GAPDHS: variants seen among roughly 807,000 people sequenced by gnomAD.
GAPDHS encodes the protein glyceraldehyde-3-phosphate dehydrogenase, testis-specific.
Under a neutral mutation model 48.7 loss-of-function variants are expected in GAPDHS, and 42 were observed. The ratio of observed to expected loss-of-function variants is 0.86; its 90% CI spans 0.67 to 1.12. The LOEUF (loss-of-function observed/expected upper bound fraction) is 1.12. GAPDHS is among the 50% of genes most tolerant of loss of function. GAPDHS has a pLI of 0.00. For synonymous variants in GAPDHS, 166 were observed against 219.1 expected, an observed-to-expected ratio of 0.76 and a Z score of 2.14; for missense variants, 512 against 557.7, an observed-to-expected ratio of 0.92 and a Z score of 0.82.
intron 1 of GAPDHS, among the ~76,000 whole-genome samples, chr19:35,535,438 T>C (rs2068235939): frequency 1.3e-5 from 2 of 151,996 alleles, no homozygotes; most frequent in South Asian, 4.1e-4. Flanking sequence ...CAGGCTGGAG[T>C]GCAGTGGCAC....
chr19:35,537,733 A>C (rs769183943), intron 2 of GAPDHS, among the ~76,000 whole-genome samples: 3 of 152,106 alleles, frequency 2.0e-5, no homozygotes, highest in Non-Finnish European at 4.4e-5. Context: ...AAATTGTTTT[A>C]ATTGTTTAAT....
At position 35,543,770 on chromosome 19, in the gene GAPDHS, T is replaced by C; in HGVS notation, c.999T>C (p.Ala333=). Residue 333 remains alanine (A), a synonymous_variant, in exon 9 of 11, where the codon GCT becomes GCC. Coordinates refer to ENST00000222286, the MANE Select transcript of GAPDHS (RefSeq NM_014364.5). ...QPAPYSAIKE[A]VKAAAKGPMA... is the part of the protein sequence containing the mutation. The stretch of plus-strand genomic sequence containing the variant: ...CCCCCTACTCAGCCATCAAGGAGGC[T>C]GTAAAAGCAGCAGCCAAGGGGCCCA... 1 of 1,613,854 alleles carries C rather than the reference T, an allele frequency of 6.2e-7. No individual in the cohort carries two copies. The highest frequency in any genetic ancestry group is 8.5e-7 in the Non-Finnish European group (1 of 1,179,980).
At chr19:35,535,050 C>T (rs796227543) in intron 1 of GAPDHS, among the ~76,000 whole-genome samples, 3 of 152,234 alleles carry the variant, frequency 2.0e-5, no homozygotes, top group African/African-American at 7.2e-5. Context: ...CTCACAGCAG[C>T]CCCTAGGTGG....
At chr19:35,533,774 C>T (rs2071447274) in intron 1 of GAPDHS, among the ~76,000 whole-genome samples, 180 bp downstream of exon 1, 1 of 152,234 alleles carries the variant, frequency 6.6e-6, no homozygotes, top group Non-Finnish European at 1.5e-5. Flanking sequence ...GTGGGGTTTA[C>T]TGCCATGGCG....
chr19:35,545,104 CA>C lies in GAPDHS; in HGVS notation c.1163del (p.Asn388ThrfsTer?). 2 of 1,614,042 alleles carry C rather than the reference CA, an allele frequency of 1.2e-6. No homozygotes were observed. The highest frequency in any genetic ancestry group is 1.7e-6 in the Non-Finnish European group (2 of 1,179,874). On this transcript the variant is annotated frameshift_variant, in exon 11 of 11. Coordinates refer to ENST00000222286, the MANE Select transcript of GAPDHS (RefSeq NM_014364.5). LOFTEE classifies it high-confidence loss of function. The part of the protein sequence containing the change: ...NFVKLISWYD[N>X]EYGYSHRVVD... Reference sequence around the variant, plus strand: ...CCCGACCCCTCCTCCACAGGTACGACAACGAATATGGCTACAGTCACCGGGT... The same window carrying C: ...CCCGACCCCTCCTCCACAGGTACGACACGAATATGGCTACAGTCACCGGGT...
chr19:35,542,614 G>A lies in GAPDHS; in HGVS notation c.659+6G>A. On this transcript the variant is annotated splice_donor_region_variant and intron_variant, in intron 6 of 10. Transcript: ENST00000222286. ...GGCTCCATGAACATTGTGAGGTAAT[G>A]TGGGCAGTGACATCCTGCAATGTGT... The A allele has an allele frequency of 1.2e-5, 19 of 1,567,252 alleles. No individual in the cohort carries two copies. Among genetic ancestry groups the A allele is most frequent in the Non-Finnish European group, 1.7e-5 (19 of 1,137,404 alleles).
intron 1 of GAPDHS, among the ~76,000 whole-genome samples, chr19:35,534,295 C>G (rs1291660954): frequency 6.6e-6 from 1 of 152,038 alleles, no homozygotes; most frequent in Non-Finnish European, 1.5e-5. Context: ...TTCCCAAGGG[C>G]GGGGGCCGCA....
intron 2 of GAPDHS, 23 bp downstream of exon 2, chr19:35,537,013 T>C: frequency 6.2e-7 from 1 of 1,603,008 alleles, no homozygotes; most frequent in Non-Finnish European, 8.5e-7. Context: ...CAGCCCCTGA[T>C]CAGTCTGAAG....
At chr19:35,533,698 G>A in intron 1 of GAPDHS, 104 bp downstream of exon 1, 1 of 843,940 alleles carries the variant, frequency 1.2e-6, no homozygotes, top group Non-Finnish European at 1.9e-6. Flanking sequence ...CCTGGCGTGT[G>A]CACCATCTAG....
chr19:35,545,031 TA>T (rs1568309918), intron 10 of GAPDHS, 25 bp downstream of exon 10: 1 of 1,606,280 alleles, frequency 6.2e-7, no homozygotes, highest in Non-Finnish European at 8.5e-7. Flanking sequence ...GCTGGAGACT[TA>T]GAGGGAGGGG....
chr19:35,533,514 C>G lies in GAPDHS; in HGVS notation c.-14C>G, dbSNP rs751690102. The stretch of plus-strand genomic sequence containing the variant: ...CACAGCAGGTCCAGGCCAATGATAA[C>G]CTTATAAGAGGCCATGTCGAAGCGC... On this transcript the variant is annotated 5_prime_UTR_variant, in exon 1 of 11. Transcript: ENST00000222286. 5.0e-6 allele frequency: 8 copies of G among 1,612,424 alleles called. No individual in the cohort carries two copies. In the South Asian group the frequency reaches 7.7e-5, roughly 15 times the overall value.
chr19:35,539,992 C>T (rs1568682669), intron 4 of GAPDHS, among the ~76,000 whole-genome samples: 2 of 152,352 alleles, frequency 1.3e-5, no homozygotes, highest in Non-Finnish European at 2.9e-5. Flanking sequence ...TCTCCATCCC[C>T]GCACTGTTGG....
chr19:35,543,377 T>C lies in GAPDHS; in HGVS notation c.779T>C (p.Val260Ala), dbSNP rs1471743465. 1 of 1,612,378 alleles carries C rather than the reference T, an allele frequency of 6.2e-7. No individual in the cohort carries two copies. The highest frequency in any genetic ancestry group is 1.1e-5 in the South Asian group (1 of 90,794). ...VHSYTATQKT[V>A]DGPSRKAWRD... Reference sequence around the variant, plus strand: ...TCCTACACGGCCACCCAGAAGACAGTGGACGGGCCATCAAGGAAGGCCTGG... The same window carrying C: ...TCCTACACGGCCACCCAGAAGACAGCGGACGGGCCATCAAGGAAGGCCTGG... The change falls in exon 8 of 11, where the codon GTG becomes GCG. Residue 260 changes from valine to alanine, a missense_variant. By Grantham distance (64) the Val-to-Ala change is moderately conservative. Transcript: ENST00000222286.
chr19:35,543,739 A>G lies in GAPDHS; in HGVS notation c.968A>G (p.Gln323Arg). ...GTGGACCTGACCTGCCGCCTCGCCC[A>G]GCCTGCCCCCTACTCAGCCATCAAG... Reference protein sequence around the residue: ...SVVDLTCRLAQPAPYSAIKEA... With the variant: ...SVVDLTCRLARPAPYSAIKEA... The change falls in exon 9 of 11, where the codon CAG becomes CGG. Residue 323 changes from glutamine (Q) to arginine (R), a missense_variant. Coordinates refer to ENST00000222286, the MANE Select transcript of GAPDHS (RefSeq NM_014364.5). 1 of 1,614,034 alleles carries G rather than the reference A, an allele frequency of 6.2e-7. No homozygotes were observed. Among genetic ancestry groups the G allele is most frequent in the Non-Finnish European group, 8.5e-7 (1 of 1,180,012 alleles).
In GAPDHS at chr19:35,545,099, T is replaced by C. The variant is rs139696096; in HGVS notation, c.1156T>C (p.Tyr386His). 3.2e-3 allele frequency: 5,147 copies of C among 1,613,922 alleles called. 13 individuals carry two copies. Among genetic ancestry groups the C allele is most frequent in the Non-Finnish European group, 4.1e-3 (4,780 of 1,179,838 alleles). Residue 386 changes from tyrosine (Y) to histidine (H), a missense_variant and splice_region_variant, in exon 11 of 11, where the codon TAC becomes CAC. Transcript: ENST00000222286. ...NDNFVKLISW[Y>H]DNEYGYSHRV... ...AACCTCCCGACCCCTCCTCCACAGGTACGACAACGAATATGGCTACAGTCA... is the reference window on the plus strand; with the variant it reads ...AACCTCCCGACCCCTCCTCCACAGGCACGACAACGAATATGGCTACAGTCA...
rs1442608474 is a variant in GAPDHS at position 35,536,971 on chromosome 19, C to A, written c.226C>A (p.Leu76Met). Residue 76 changes from leucine to methionine, a missense_variant, in exon 2 of 11, where the codon CTG (leucine) becomes ATG (methionine). Physicochemically the swap from Leu to Met is conservative, Grantham distance 15 (BLOSUM62 2). Coordinates refer to ENST00000222286, the MANE Select transcript of GAPDHS (RefSeq NM_014364.5). ...PPKMVSVARE[L>M]TVGINGFGRI... Reference sequence around the variant, plus strand: ...TAAGATGGTGTCTGTGGCCCGGGAGCTGACTGTGGGCATCAATGGGTGAGT... The same window carrying A: ...TAAGATGGTGTCTGTGGCCCGGGAGATGACTGTGGGCATCAATGGGTGAGT... The A allele has an allele frequency of 3.1e-6, 5 of 1,613,758 alleles. No individual in the cohort carries two copies. The highest frequency in any genetic ancestry group is 4.2e-6 in the Non-Finnish European group (5 of 1,179,768).
chr19:35,542,600 C>T lies in GAPDHS; in HGVS notation c.651C>T (p.Asn217=). ...NENDYNPGSM[N]IVSNASCTTN... Reference sequence around the variant, plus strand: ...ATGACTATAACCCTGGCTCCATGAACATTGTGAGGTAATGTGGGCAGTGAC... The same window carrying T: ...ATGACTATAACCCTGGCTCCATGAATATTGTGAGGTAATGTGGGCAGTGAC... The change falls in exon 6 of 11, where the codon AAC becomes AAT. Residue 217 remains asparagine, a synonymous_variant. Transcript: ENST00000222286. 2 of 1,601,746 alleles carry T rather than the reference C, an allele frequency of 1.2e-6. No individual in the cohort carries two copies. The highest frequency in any genetic ancestry group is 1.7e-6 in the Non-Finnish European group (2 of 1,168,800).
Position 35,544,937 on chromosome 19 carries a change from C to T in GAPDHS, c.1085C>T (p.Thr362Ile). The T allele has an allele frequency of 6.2e-7, 1 of 1,613,250 alleles. No homozygotes were observed. Among genetic ancestry groups the T allele is most frequent in the Middle Eastern group, 1.7e-4 (1 of 6,060 alleles). ...EVVSTDFLGDTHSSIFDAKAG... is the reference protein window; with the variant it reads ...EVVSTDFLGDIHSSIFDAKAG... ...GTCTCTACGGACTTCCTCGGTGATA[C>T]CCACTCGTCCATCTTCGATGCTAAG... is the stretch of plus-strand genomic sequence containing the variant. The change falls in exon 10 of 11, where the codon ACC becomes ATC. Residue 362 changes from threonine (T) to isoleucine (I), a missense_variant. Thr to Ile is a moderately conservative substitution (Grantham distance 89, BLOSUM62 -1). Transcript: ENST00000222286.
intron 2 of GAPDHS, 46 bp downstream of exon 2, chr19:35,537,036 G>C: frequency 1.4e-6 from 2 of 1,469,514 alleles, no homozygotes; most frequent in Non-Finnish European, 1.9e-6. Context: ...TTAGAGCCCA[G>C]CCCCTCCTCT....
Sources: gnomAD v4.1 joint callset for allele counts (sites outside exome capture counted in the v4.1 genomes callset) on GRCh38, gnomAD v4.1.1 for gene constraint, MANE v1.5 for transcripts, NCBI Gene and HGNC (gene_info 2026-07-23, HGNC 2026-07-21) for gene names.